Variants in FAM81A observed in about 807,000 individuals in gnomAD.
The protein encoded by FAM81A is family with sequence similarity 81 member A.
In FAM81A, 19 loss-of-function variants were observed where a neutral mutation model predicts 46.7. The observed-to-expected ratio is 0.41, with a 90% CI of 0.28 to 0.60. The LOEUF (loss-of-function observed/expected upper bound fraction) is 0.60. Ranked by LOEUF, FAM81A falls within the 20% of genes least tolerant of loss-of-function variation. The pLI is 0.34. For synonymous variants in FAM81A, 183 were observed against 152.9 expected (o/e 1.20, Z -1.45); for missense variants, 377 against 453.5 (o/e 0.83, Z 1.53).
At chr15:59,446,984 G>A (rs1286227311) in intron 1 of FAM81A, among the ~76,000 whole-genome samples, 2 of 152,158 alleles carry the variant, frequency 1.3e-5, no homozygotes, top group Admixed American at 1.3e-4. Flanking sequence ...TCATTCACTG[G>A]TTCATTCTTT....
intron 3 of FAM81A, among the ~76,000 whole-genome samples, chr15:59,483,482 T>C (rs1049005487): frequency 3.9e-5 from 6 of 152,148 alleles, no homozygotes; most frequent in African/African-American, 1.4e-4. Context: ...TTATGTATGT[T>C]ATACTTCAAA....
intron 3 of FAM81A, among the ~76,000 whole-genome samples, chr15:59,486,247 C>T (rs746286689): frequency 2.7e-4 from 41 of 151,908 alleles, no homozygotes; most frequent in Non-Finnish European, 4.7e-4. Context: ...TGGAAAAATG[C>T]TAGTGACATA....
Position 59,502,235 on chromosome 15 carries a change from G to A in FAM81A, c.414-4978G>A, listed in dbSNP as rs547856077. Reference sequence around the variant, plus strand: ...TTAGGGTACATGTGCACAATGTGCAGGTTAGTTACATATGTATACATGTGC... The same window carrying A: ...TTAGGGTACATGTGCACAATGTGCAAGTTAGTTACATATGTATACATGTGC... On this transcript the variant is annotated intron_variant, in intron 4 of 8. Coordinates refer to ENST00000288228, the MANE Select transcript of FAM81A (RefSeq NM_152450.3). Among the ~76,000 whole-genome samples, 10 of 150,158 alleles carry A rather than the reference G, an allele frequency of 6.7e-5. No individual in the cohort carries two copies. The South Asian group carries it at 2.1e-3, about 31-fold the overall frequency.
chr15:59,499,252 A>T (rs2082065813), intron 4 of FAM81A, among the ~76,000 whole-genome samples: 1 of 152,126 alleles, frequency 6.6e-6, no homozygotes, highest in Non-Finnish European at 1.5e-5. Flanking sequence ...TCAGTTTGCT[A>T]GTATTTTGTT....
intron 1 of FAM81A, among the ~76,000 whole-genome samples, chr15:59,440,645 T>G (rs1479591424): frequency 6.6e-6 from 1 of 152,216 alleles, no homozygotes; most frequent in Admixed American, 6.5e-5. Context: ...CTTTGAGATC[T>G]TGAACTCGGA....
At chr15:59,443,463 A>G (rs749649428) in intron 1 of FAM81A, among the ~76,000 whole-genome samples, 18 of 152,116 alleles carry the variant, frequency 1.2e-4, no homozygotes, top group Non-Finnish European at 2.2e-4. Flanking sequence ...TGCCTCTTTC[A>G]TTTCCTCTAA....
chr15:59,499,835 T>G (rs2141786184), intron 4 of FAM81A, among the ~76,000 whole-genome samples: 1 of 152,032 alleles, frequency 6.6e-6, no homozygotes, highest in African/African-American at 2.4e-5. Context: ...TGCTTTCAAA[T>G]ATTTCTATGT....
Position 59,521,650 on chromosome 15 carries a change from C to A in FAM81A, c.*272C>A. The stretch of plus-strand genomic sequence containing the variant: ...GATTTTGAAAGGCTTTTATCTTCTT[C>A]ATTTTACGAATGGAAAGACGACAAT... On this transcript the variant is annotated 3_prime_UTR_variant, in exon 9 of 9. Coordinates refer to ENST00000288228, the MANE Select transcript of FAM81A (RefSeq NM_152450.3). 1 of 284,806 alleles carries A rather than the reference C, an allele frequency of 3.5e-6. No individual in the cohort carries two copies. The highest frequency in any genetic ancestry group is 6.4e-6 in the Non-Finnish European group (1 of 155,972). The allele number at this position is 284,806 out of a possible 1,614,324, so 17.6% of individuals were successfully genotyped here.
chr15:59,514,572 CT>C, intron 7 of FAM81A, 148 bp downstream of exon 7: 1 of 1,035,442 alleles, frequency 9.7e-7, no homozygotes, highest in Non-Finnish European at 1.3e-6. Context: ...CATATTGATG[CT>C]TTGTATTCTT....
At chr15:59,406,649 G>A (rs1001839) in intron 2 of FAM81A, among the ~76,000 whole-genome samples, 62,444 of 151,896 alleles carry the variant, frequency 0.41, 14,586 homozygotes, top group Non-Finnish European at 0.51. Flanking sequence ...GTCCATTTTC[G>A]GTTCATACCC....
At chr15:59,441,814 T>C (rs548631551) in intron 1 of FAM81A, among the ~76,000 whole-genome samples, 4 of 152,216 alleles carry the variant, frequency 2.6e-5, no homozygotes, top group Non-Finnish European at 5.9e-5. Flanking sequence ...ACGGGGATGC[T>C]GTGAGATCCT....
In FAM81A at chr15:59,407,041, C is replaced by G. The variant is rs1376845048; in HGVS notation, c.-78+4683C>G. ...AGAGCCACAGACTTGGGAGCCAGGA[C>G]ATTGCCTCCCCAGTGATGATGGATC... is the stretch of plus-strand genomic sequence containing the variant. On this transcript the variant is annotated intron_variant, in intron 2 of 4. Coordinates refer to the FAM81A transcript ENST00000558348. 6.6e-5 allele frequency: 11 copies of G among 165,794 alleles called. No individual in the cohort carries two copies. The East Asian group carries it at 1.6e-3, about 24-fold the overall frequency. 10.3% of individuals were successfully genotyped at this position (165,794 alleles called of 1,614,324 possible). A position where few individuals can be genotyped will look rare whatever the true frequency, so the allele number is the denominator to read the frequency against.
intron 3 of FAM81A, among the ~76,000 whole-genome samples, chr15:59,479,894 C>T (rs1454813867): frequency 6.6e-6 from 1 of 152,186 alleles, no homozygotes; most frequent in Non-Finnish European, 1.5e-5. Flanking sequence ...GAATAAAACA[C>T]AGATAAAAGC....
rs368229375 is a variant in FAM81A, at chr15:59,503,051, C to T, written c.414-4162C>T. Among the ~76,000 whole-genome samples, 8 of 151,874 alleles carry T rather than the reference C, an allele frequency of 5.3e-5. No individual in the cohort carries two copies. In the East Asian group the frequency reaches 5.9e-4, roughly 11 times the overall value. ...AGGTCAGGAGTTCTGAGACCAGCCTCGCCAACATGGTGAAAACCAGTGTCT... is the reference window on the plus strand; with the variant it reads ...AGGTCAGGAGTTCTGAGACCAGCCTTGCCAACATGGTGAAAACCAGTGTCT... On this transcript the variant is annotated intron_variant, in intron 4 of 8. Transcript: ENST00000288228.
At chr15:59,496,604 CA>C (rs1201202395) in intron 4 of FAM81A, among the ~76,000 whole-genome samples, 26 of 146,210 alleles carry the variant, frequency 1.8e-4, no homozygotes, top group Non-Finnish European at 2.9e-4. Flanking sequence ...GACTCTATCT[CA>C]AAAAAAAAAG....
In FAM81A at chr15:59,461,375, T is replaced by C. The variant is rs147529065; in HGVS notation, c.294+1169T>C. Among the ~76,000 whole-genome samples, 343 of 152,306 alleles carry C rather than the reference T, an allele frequency of 2.3e-3. 2 individuals carry two copies. The highest frequency in any genetic ancestry group is 2.5e-3 in the South Asian group (12 of 4,822). ...ATCATGGCTCACTGAAGCCTTGACC[T>C]CTCAGGCTCAACCGATCCTCCTGCA... On this transcript the variant is annotated intron_variant, in intron 3 of 8. Transcript: ENST00000288228.
At chr15:59,413,584 A>G (rs1406350770) in intron 2 of FAM81A, among the ~76,000 whole-genome samples, 1 of 152,126 alleles carries the variant, frequency 6.6e-6, no homozygotes, top group Non-Finnish European at 1.5e-5. Flanking sequence ...ATGCAAACAG[A>G]GTTCTAAGCC....
intron 4 of FAM81A, among the ~76,000 whole-genome samples, chr15:59,493,841 G>T (rs564564730): frequency 1.3e-5 from 2 of 152,126 alleles, no homozygotes; most frequent in African/African-American, 4.8e-5. Flanking sequence ...GCCCACCTCG[G>T]CCTCCAAGAG....
intron 4 of FAM81A, among the ~76,000 whole-genome samples, chr15:59,493,175 G>C (rs181885151): frequency 1.2e-4 from 19 of 152,326 alleles, no homozygotes; most frequent in Admixed American, 1.1e-3. Context: ...GCATGGAGTC[G>C]GGTGGAAGAA....
Sources: gnomAD v4.1 joint callset for allele counts (sites outside exome capture counted in the v4.1 genomes callset) on GRCh38, gnomAD v4.1.1 for gene constraint, MANE v1.5 for transcripts, NCBI Gene and HGNC (gene_info 2026-07-23, HGNC 2026-07-21) for gene names.